The following LHFPL6 variants were observed in gnomAD, a reference collection of about 807,000 sequenced individuals.
LHFPL6 encodes the protein LHFPL tetraspan subfamily member 6, also known as LHFPL tetraspan subfamily member 6 protein.
LHFPL6 carries 9 observed loss-of-function variants against 20.6 expected under a neutral mutation model. That is an observed-to-expected ratio of 0.44 (90% CI 0.26 to 0.76). The LOEUF is 0.76. LHFPL6 is among the 30% of genes least tolerant of loss of function. The pLI is 0.20. For synonymous variants in LHFPL6, 105 were observed against 98.7 expected (o/e 1.06, Z -0.38); for missense variants, 218 against 253.5 (o/e 0.86, Z 0.95).
At chr13:39,430,941 C>G (rs921384326) in intron 2 of LHFPL6, among the ~76,000 whole-genome samples, 6 of 152,216 alleles carry the variant, frequency 3.9e-5, no homozygotes, top group African/African-American at 1.2e-4. Context: ...TTCTTTCACT[C>G]TTCACAATAA....
At chr13:39,508,051 C>T (rs146637046) in intron 2 of LHFPL6, among the ~76,000 whole-genome samples, 3,400 of 150,398 alleles carry the variant, frequency 0.023, 129 homozygotes, top group African/African-American at 0.079. Flanking sequence ...GGCAGAGTCA[C>T]GCTCTGTTGC....
At chr13:39,510,839 TTAAATTACTGGTATTTG>T (rs1273227193) in intron 2 of LHFPL6, among the ~76,000 whole-genome samples, 4 of 151,900 alleles carry the variant, frequency 2.6e-5, no homozygotes, top group African/African-American at 9.7e-5. Context: ...AAACCTGAAA[TTAAATTACTGGTATTTG>T]TAATCATTAC....
chr13:39,458,162 G>A (rs1006643251), intron 2 of LHFPL6, among the ~76,000 whole-genome samples: 5 of 152,080 alleles, frequency 3.3e-5, no homozygotes, highest in African/African-American at 9.7e-5. Flanking sequence ...CCTTGAAGAA[G>A]GCGAGAGAAA....
Position 39,562,369 on chromosome 13 carries a change from T to C in LHFPL6, c.385+38463A>G, listed in dbSNP as rs867944694. On this transcript the variant is annotated intron_variant, in intron 2 of 3. Coordinates refer to ENST00000379589, the MANE Select transcript of LHFPL6 (RefSeq NM_005780.3). ...ATATATACATATATATACATATACA[T>C]ATATACATATATACATATACATATA... 3.3e-4 allele frequency among the ~76,000 whole-genome samples: 33 copies of C among 98,768 alleles called. 1 individual carries two copies. The South Asian group carries it at 0.011, about 34-fold the overall frequency. 64.8% of individuals were successfully genotyped at this position (98,768 alleles called of 152,430 possible). A position where few individuals can be genotyped will look rare whatever the true frequency, so the allele number is the denominator to read the frequency against.
At chr13:39,499,265 ACC>A (rs200880302) in intron 2 of LHFPL6, among the ~76,000 whole-genome samples, 4 of 110,702 alleles carry the variant, frequency 3.6e-5, no homozygotes, top group African/African-American at 5.9e-5. Context: ...TCTTTTATTA[ACC>A]CTGTTAGAAG....
intron 2 of LHFPL6, among the ~76,000 whole-genome samples, chr13:39,441,508 T>A (rs1037941705): frequency 6.7e-6 from 1 of 149,608 alleles, no homozygotes; most frequent in African/African-American, 2.4e-5. Context: ...TGAAAAAAAA[T>A]ACTTTATTAT....
At chr13:39,374,823 G>A (rs188843169) in intron 3 of LHFPL6, among the ~76,000 whole-genome samples, 73 of 152,184 alleles carry the variant, frequency 4.8e-4, no homozygotes, top group African/African-American at 1.5e-3. Flanking sequence ...GTTCCCTGAG[G>A]GCAGTGAATA....
chr13:39,488,823 A>C (rs917934714), intron 2 of LHFPL6, among the ~76,000 whole-genome samples: 11 of 152,116 alleles, frequency 7.2e-5, no homozygotes, highest in African/African-American at 2.2e-4. Flanking sequence ...CATAGATAGC[A>C]TAAGACGTCA....
chr13:39,369,099 A>G (rs1870087397), intron 3 of LHFPL6, among the ~76,000 whole-genome samples: 1 of 150,862 alleles, frequency 6.6e-6, no homozygotes, highest in South Asian at 2.1e-4. Context: ...TAATAAAAGG[A>G]CAACACTGAA....
intron 2 of LHFPL6, among the ~76,000 whole-genome samples, chr13:39,539,206 T>C (rs745861942): frequency 3.3e-5 from 5 of 152,172 alleles, no homozygotes; most frequent in Non-Finnish European, 7.4e-5. Context: ...TTTTAGTTCT[T>C]TTTCTTTTGC....
intron 2 of LHFPL6, among the ~76,000 whole-genome samples, chr13:39,582,674 AAGAC>A (rs755659568): frequency 1.3e-5 from 2 of 152,202 alleles, no homozygotes; most frequent in Non-Finnish European, 2.9e-5. Context: ...GAGTTTGGCT[AAGAC>A]AGACAGACGA....
rs755812608 is a variant in LHFPL6 at position 39,344,021 on chromosome 13, G to A, written c.518C>T (p.Thr173Met). 1.5e-5 allele frequency: 25 copies of A among 1,613,456 alleles called. No homozygotes were observed. Among genetic ancestry groups the A allele is most frequent in the South Asian group, 5.5e-5 (5 of 91,034 alleles). ...CATGGCGGCAGTGGCACCTGCTCCCGTGCAGTAGTAGGCCCAGCCGATTTC... is the reference window on the plus strand; with the variant it reads ...CATGGCGGCAGTGGCACCTGCTCCCATGCAGTAGTAGGCCCAGCCGATTTC... The part of the protein sequence containing the change: ...KCEIGWAYYC[T>M]GAGATAAMLL... The change falls in exon 4 of 4, where the codon ACG becomes ATG. Residue 173 changes from threonine (T) to methionine (M), a missense_variant. By Grantham distance (81) the Thr-to-Met change is moderately conservative (BLOSUM62 -1). Coordinates refer to ENST00000379589, the MANE Select transcript of LHFPL6 (RefSeq NM_005780.3).
intron 3 of LHFPL6, among the ~76,000 whole-genome samples, chr13:39,353,562 T>TA (rs1010777128): frequency 5.9e-5 from 9 of 151,278 alleles, no homozygotes; most frequent in African/African-American, 9.7e-5. Context: ...CAGTCTCTAC[T>TA]AAAAAAAACC....
chr13:39,594,097 A>G (rs555693479), intron 2 of LHFPL6, among the ~76,000 whole-genome samples: 2 of 152,350 alleles, frequency 1.3e-5, no homozygotes, highest in Non-Finnish European at 2.9e-5. Context: ...AATGGCAACA[A>G]AAGCCAAAAT....
chr13:39,348,735 G>A lies in LHFPL6; in HGVS notation c.485-4681C>T, dbSNP rs567810534. ...TGTCAGAAGCTAAGCCACCCCACCC[G>A]CCTACCCAAGCCCTGCTATCCCCTG... On this transcript the variant is annotated intron_variant, in intron 3 of 3. Coordinates refer to ENST00000379589, the MANE Select transcript of LHFPL6 (RefSeq NM_005780.3). Among the ~76,000 whole-genome samples the A allele has an allele frequency of 7.2e-5, 11 of 152,108 alleles. No homozygotes were observed. In the South Asian group the frequency reaches 2.1e-3, roughly 29 times the overall value.
intron 3 of LHFPL6, among the ~76,000 whole-genome samples, chr13:39,349,541 C>A (rs1043301877): frequency 3.3e-5 from 5 of 152,142 alleles, no homozygotes; most frequent in Non-Finnish European, 4.4e-5. Flanking sequence ...GTACTGGGAG[C>A]TTTGTTGGGA....
intron 2 of LHFPL6, among the ~76,000 whole-genome samples, chr13:39,465,930 T>C (rs1005358381): frequency 1.3e-5 from 2 of 151,934 alleles, no homozygotes; most frequent in Non-Finnish European, 2.9e-5. Context: ...AAGACTGAAC[T>C]AGAGAGGATG....
At chr13:39,431,865 C>T (rs1050351719) in intron 2 of LHFPL6, among the ~76,000 whole-genome samples, 4 of 152,028 alleles carry the variant, frequency 2.6e-5, no homozygotes, top group East Asian at 1.9e-4. Context: ...AACTGCAATC[C>T]CTCCCATTTT....
chr13:39,347,636 T>G (rs1266271196), intron 3 of LHFPL6, among the ~76,000 whole-genome samples: 1 of 152,188 alleles, frequency 6.6e-6, no homozygotes, highest in Non-Finnish European at 1.5e-5. Context: ...TAAGCATTTT[T>G]CACTGGTAAC....
Sources: gnomAD v4.1 joint callset for allele counts (sites outside exome capture counted in the v4.1 genomes callset) on GRCh38, gnomAD v4.1.1 for gene constraint, MANE v1.5 for transcripts, NCBI Gene and HGNC (gene_info 2026-07-23, HGNC 2026-07-21) for gene names.